The following ARHGAP18 variants were observed in gnomAD, a reference collection of about 807,000 sequenced individuals.
ARHGAP18 encodes Rho GTPase activating protein 18, also known as rho GTPase-activating protein 18.
Under a neutral mutation model 86.2 loss-of-function variants are expected in ARHGAP18, and 67 were observed. The ratio of observed to expected loss-of-function variants is 0.78; its 90% CI spans 0.64 to 0.95. The LOEUF (loss-of-function observed/expected upper bound fraction) is 0.95, where lower values mean the gene tolerates loss of function less well. Ranked by LOEUF, ARHGAP18 falls within the 40% of genes least tolerant of loss-of-function variation. ARHGAP18 has a pLI of 0.00. For synonymous variants in ARHGAP18, 283 were observed against 280.4 expected, an observed-to-expected ratio of 1.01 and a Z score of -0.09; for missense variants, 691 against 780.4, an observed-to-expected ratio of 0.89 and a Z score of 1.37.
Position 129,600,625 on chromosome 6 carries a change from A to G in ARHGAP18, c.1572+17T>C. 6.3e-7 allele frequency: 1 copy of G among 1,596,226 alleles called. No homozygotes were observed. Among genetic ancestry groups the G allele is most frequent in the Non-Finnish European group, 8.6e-7 (1 of 1,166,258 alleles). ...TTTTTTAAACTACTAAGACCAAAGC[A>G]TATGATATATACTTACTGTCCACAG... On this transcript the variant is annotated intron_variant, in intron 11 of 14. Coordinates refer to ENST00000368149, the MANE Select transcript of ARHGAP18 (RefSeq NM_033515.3).
In ARHGAP18 at chr6:129,584,038, A is replaced by C. The variant is rs1455047701; in HGVS notation, c.1788T>G (p.Thr596=). 1 of 1,613,738 alleles carries C rather than the reference A, an allele frequency of 6.2e-7. No homozygotes were observed. The highest frequency in any genetic ancestry group is 1.3e-5 in the African/African-American group (1 of 74,912). The change falls in exon 13 of 15, where the codon ACT becomes ACG. Residue 596 remains threonine, a synonymous_variant. Coordinates refer to ENST00000368149, the MANE Select transcript of ARHGAP18 (RefSeq NM_033515.3). The part of the protein sequence containing the change: ...LSKVSMAIQL[T]EELKASDVLA... ...GTACATCACTGGCTTTTAGTTCTTC[A>C]GTTAGCTGTATTGCCATGGAAACTT...
intron 1 of ARHGAP18, among the ~76,000 whole-genome samples, chr6:129,707,348 A>T (rs1562731671): frequency 6.6e-6 from 1 of 152,288 alleles, no homozygotes. Flanking sequence ...TAAATATTTC[A>T]AAGAACATAT....
intron 1 of ARHGAP18, among the ~76,000 whole-genome samples, chr6:129,668,585 T>C (rs1774086400): frequency 6.6e-6 from 1 of 152,100 alleles, no homozygotes. Context: ...CTCGTCGGGT[T>C]CCTCTCCCAC....
chr6:129,615,522 A>C (rs1789078137), intron 7 of ARHGAP18, among the ~76,000 whole-genome samples: 1 of 152,208 alleles, frequency 6.6e-6, no homozygotes, highest in South Asian at 2.1e-4. Context: ...ATCAATTTCT[A>C]CTGTCCCAAG....
chr6:129,655,190 A>C (rs1447352504), intron 1 of ARHGAP18, among the ~76,000 whole-genome samples: 1 of 151,794 alleles, frequency 6.6e-6, no homozygotes, highest in Admixed American at 6.6e-5. Context: ...GTGGTGGTGC[A>C]TGCCTGTAAT....
In ARHGAP18 at chr6:129,577,302, T is replaced by C. The variant is rs933851550; in HGVS notation, c.*1211A>G. On this transcript the variant is annotated 3_prime_UTR_variant, in exon 15 of 15. Transcript: ENST00000368149. ...TGAGAATGTGTAGTTTTTCCTAAAG[T>C]ACTACTAAAAGTATCATGAACACCG... The C allele has an allele frequency of 1.3e-5, 2 of 152,218 alleles. No individual in the cohort carries two copies. Among genetic ancestry groups the C allele is most frequent in the Non-Finnish European group, 2.9e-5 (2 of 68,030 alleles). The allele number at this position is 152,218 out of a possible 1,614,324, so 9.4% of individuals were successfully genotyped here.
At chr6:129,602,895 A>G (rs746314158) in intron 10 of ARHGAP18, among the ~76,000 whole-genome samples, 3 of 152,020 alleles carry the variant, frequency 2.0e-5, no homozygotes, top group Non-Finnish European at 4.4e-5. Flanking sequence ...AGAGAATAAG[A>G]GAGAGAGTTG....
At position 129,623,938 on chromosome 6, in the gene ARHGAP18, A is replaced by G. The variant is rs188860757; in HGVS notation, c.787-5086T>C. 5.9e-5 allele frequency among the ~76,000 whole-genome samples: 9 copies of G among 152,334 alleles called. No homozygotes were observed. In the East Asian group the frequency reaches 1.7e-3, roughly 29 times the overall value. Reference sequence around the variant, plus strand: ...TGAGCTAGTCTCTGAAGAATAGATTAAAGTTTCCTTGGCAAATATGGAACA... The same window carrying G: ...TGAGCTAGTCTCTGAAGAATAGATTGAAGTTTCCTTGGCAAATATGGAACA... On this transcript the variant is annotated intron_variant, in intron 5 of 14. Coordinates refer to ENST00000368149, the MANE Select transcript of ARHGAP18 (RefSeq NM_033515.3).
chr6:129,649,293 C>T (rs552791727), intron 1 of ARHGAP18, among the ~76,000 whole-genome samples: 50 of 152,276 alleles, frequency 3.3e-4, no homozygotes, highest in African/African-American at 1.0e-3. Context: ...CGGTGACTCA[C>T]GCCTGTAATC....
At chr6:129,694,838 G>C (rs544186509) in intron 1 of ARHGAP18, among the ~76,000 whole-genome samples, 2 of 152,320 alleles carry the variant, frequency 1.3e-5, no homozygotes, top group African/African-American at 4.8e-5. Flanking sequence ...TTTGCTGAAA[G>C]ACTTGTGTTC....
intron 1 of ARHGAP18, among the ~76,000 whole-genome samples, chr6:129,664,456 A>G (rs2114521850): frequency 6.6e-6 from 1 of 152,182 alleles, no homozygotes; most frequent in South Asian, 2.1e-4. Context: ...TTCTTACCCA[A>G]ATTGTGTACA....
chr6:129,587,386 A>G (rs564275562), intron 12 of ARHGAP18, among the ~76,000 whole-genome samples: 3 of 152,324 alleles, frequency 2.0e-5, no homozygotes, highest in South Asian at 2.1e-4. Flanking sequence ...TAACATTAGC[A>G]TGTATCTACT....
In ARHGAP18 at chr6:129,600,702, C is replaced by G. The variant is rs1005768906; in HGVS notation, c.1512G>C (p.Met504Ile). 14 of 1,613,708 alleles carry G rather than the reference C, an allele frequency of 8.7e-6. No individual in the cohort carries two copies. The African/African-American group carries it at 1.6e-4, about 18-fold the overall frequency. Residue 504 changes from methionine (M) to isoleucine (I), a missense_variant, in exon 11 of 15, where the codon ATG becomes ATC. Coordinates refer to ENST00000368149, the MANE Select transcript of ARHGAP18 (RefSeq NM_033515.3). ...GCATGGTATTTGCTGTCCCAGCTGC[C>G]ATTACAAATTCTCGCTGTTCACTGG... ...LKSSEQREFV[M>I]AAGTANTMHL...
rs145821693 is a variant in ARHGAP18, at chr6:129,637,986, C to T, written c.552+408G>A. ...CCCTCACATTCTACTTCATCCATCC[C>T]CAAACCAGTCTAGGGAAAAATCAAA... On this transcript the variant is annotated intron_variant, in intron 3 of 14. Transcript: ENST00000368149. Among the ~76,000 whole-genome samples, 378 of 152,278 alleles carry T rather than the reference C, an allele frequency of 2.5e-3. 1 individual carries two copies. Among genetic ancestry groups the T allele is most frequent in the Admixed American group, 4.9e-3 (75 of 15,302 alleles).
intron 1 of ARHGAP18, among the ~76,000 whole-genome samples, chr6:129,695,873 C>A (rs1774608645): frequency 2.0e-5 from 3 of 152,148 alleles, no homozygotes; most frequent in Admixed American, 2.0e-4. Context: ...ACCCGCCCCA[C>A]CCACCTACAG....
chr6:129,701,693 C>T (rs963911580), intron 1 of ARHGAP18, among the ~76,000 whole-genome samples: 3 of 152,112 alleles, frequency 2.0e-5, no homozygotes, highest in Non-Finnish European at 4.4e-5. Flanking sequence ...TCACTTGAAC[C>T]TGGGAGGTGG....
At chr6:129,707,652 T>G (rs1421036740) in intron 1 of ARHGAP18, among the ~76,000 whole-genome samples, 1 of 778 alleles carries the variant, frequency 1.3e-3, no homozygotes. Flanking sequence ...GGTTTCTTGT[T>G]TTTTTTTTTT....
chr6:129,629,229 G>A, intron 5 of ARHGAP18, 124 bp downstream of exon 5: 1 of 847,198 alleles, frequency 1.2e-6, no homozygotes, highest in South Asian at 3.1e-5. Context: ...CTCTCTGTCT[G>A]TCTGTCTCTC....
At chr6:129,600,461 C>G (rs1177333224) in intron 11 of ARHGAP18, among the ~76,000 whole-genome samples, 181 bp downstream of exon 11, 1 of 152,168 alleles carries the variant, frequency 6.6e-6, no homozygotes, top group Non-Finnish European at 1.5e-5. Context: ...GTACTTCTTA[C>G]AAGGCATGTT....
Sources: gnomAD v4.1 joint callset for allele counts (sites outside exome capture counted in the v4.1 genomes callset) on GRCh38, gnomAD v4.1.1 for gene constraint, MANE v1.5 for transcripts, NCBI Gene and HGNC (gene_info 2026-07-23, HGNC 2026-07-21) for gene names.